Variants in CTNNA3 observed in about 807,000 individuals in gnomAD.
The protein encoded by CTNNA3 is catenin alpha 3, also known as catenin alpha-3.
CTNNA3 carries 76 observed loss-of-function variants against 95.7 expected under a neutral mutation model. The ratio of observed to expected loss-of-function variants is 0.79; its 90% CI spans 0.66 to 0.96. The LOEUF is 0.96. Ranked by LOEUF, CTNNA3 falls within the 40% of genes least tolerant of loss-of-function variation. The probability of loss-of-function intolerance (pLI) is 0.00; values close to 1 mark genes in which losing one functional copy is unlikely to be tolerated. For synonymous variants in CTNNA3, 431 were observed against 374.4 expected, an observed-to-expected ratio of 1.15 and a Z score of -1.74; for missense variants, 1,191 against 1,089.8, an observed-to-expected ratio of 1.09 and a Z score of -1.31.
intron 7 of CTNNA3, among the ~76,000 whole-genome samples, chr10:67,154,638 C>T (rs894321460): frequency 2.6e-5 from 4 of 152,152 alleles, no homozygotes; most frequent in Admixed American, 6.5e-5. Context: ...TATACAAACC[C>T]GCTACACGGC....
intron 16 of CTNNA3, among the ~76,000 whole-genome samples, chr10:65,981,973 C>A (rs1354708067): frequency 6.6e-6 from 1 of 151,636 alleles, no homozygotes; most frequent in Non-Finnish European, 1.5e-5. Flanking sequence ...ACAGCAAATG[C>A]AACAAAAACA....
At chr10:66,241,343 C>A (rs2132039193) in intron 13 of CTNNA3, among the ~76,000 whole-genome samples, 1 of 152,152 alleles carries the variant, frequency 6.6e-6, no homozygotes, top group East Asian at 1.9e-4. Flanking sequence ...CTTTGTGAAT[C>A]TCAAAGTAAC....
At chr10:66,431,657 A>G (rs1347940548) in intron 11 of CTNNA3, among the ~76,000 whole-genome samples, 1 of 151,152 alleles carries the variant, frequency 6.6e-6, no homozygotes, top group Non-Finnish European at 1.5e-5. Flanking sequence ...CAAAAAAACC[A>G]AACACCGCAT....
chr10:67,452,061 T>TGGTAGGAA (rs1847008545), intron 5 of CTNNA3, among the ~76,000 whole-genome samples: 1 of 121,090 alleles, frequency 8.3e-6, no homozygotes, highest in African/African-American at 3.1e-5. Context: ...GAGGGAGGAA[T>TGGTAGGAA]GGAAGGAAGG....
chr10:67,600,480 A>G (rs1039865476), intron 3 of CTNNA3, among the ~76,000 whole-genome samples: 4 of 152,194 alleles, frequency 2.6e-5, no homozygotes, highest in African/African-American at 9.7e-5. Context: ...CATATCTAGA[A>G]CATATAAAAA....
rs149215034 is a variant in CTNNA3 at position 66,927,973 on chromosome 10, G to C, written c.1048-152449C>G. The C allele has an allele frequency of 1.2e-6, 2 of 1,614,188 alleles. No individual in the cohort carries two copies. Among genetic ancestry groups the C allele is most frequent in the East Asian group, 2.2e-5 (1 of 44,884 alleles). ...AGAGCTGCAAGGAGTAAATGTGATC[G>C]ATGCAGTGAAGAACTACAGCATCTG... On this transcript the variant is annotated intron_variant, in intron 7 of 17. Transcript: ENST00000433211. The surrounding 1 kb of genome is among the most constrained non-coding windows in gnomAD (Gnocchi z 4.7).
intron 1 of CTNNA3, among the ~76,000 whole-genome samples, chr10:67,727,218 T>C (rs1841239956): frequency 7.9e-6 from 1 of 126,566 alleles, no homozygotes; most frequent in South Asian, 2.3e-4. Context: ...TATGTATATA[T>C]GTATATTACA....
chr10:67,002,616 G>A (rs1464854206), intron 7 of CTNNA3, among the ~76,000 whole-genome samples: 4 of 152,120 alleles, frequency 2.6e-5, no homozygotes, highest in South Asian at 2.1e-4. Flanking sequence ...TCAGAGCTGT[G>A]TTTAATGGCT....
intron 7 of CTNNA3, among the ~76,000 whole-genome samples, chr10:66,786,200 T>C (rs1475707983): frequency 6.6e-6 from 1 of 152,082 alleles, no homozygotes; most frequent in Non-Finnish European, 1.5e-5. Context: ...CCTCAAGCCT[T>C]GTTCATAGCT....
chr10:66,485,330 G>A (rs1839687720), intron 11 of CTNNA3, among the ~76,000 whole-genome samples: 1 of 151,922 alleles, frequency 6.6e-6, no homozygotes, highest in African/African-American at 2.4e-5. Context: ...TTTTATATAT[G>A]GTAAGACCTA....
chr10:67,224,925 G>T (rs773976403), intron 5 of CTNNA3, among the ~76,000 whole-genome samples: 2 of 150,066 alleles, frequency 1.3e-5, no homozygotes, highest in East Asian at 1.9e-4. Context: ...TCCACAGCGT[G>T]GGGGAAGAAC....
intron 7 of CTNNA3, among the ~76,000 whole-genome samples, chr10:66,812,875 C>T (rs1371207338): frequency 1.3e-5 from 2 of 152,086 alleles, no homozygotes; most frequent in Non-Finnish European, 2.9e-5. Context: ...ACTGATGTAA[C>T]AAAATAAGGA....
chr10:67,170,545 C>T (rs571552365), intron 7 of CTNNA3, among the ~76,000 whole-genome samples: 1 of 152,296 alleles, frequency 6.6e-6, no homozygotes, highest in Non-Finnish European at 1.5e-5. Context: ...CATATTCTCA[C>T]TTATAAGTGG....
At position 65,960,792 on chromosome 10, in the gene CTNNA3, T is replaced by C. The variant is rs1341932315; in HGVS notation, c.2400+5820A>G. Among the ~76,000 whole-genome samples the C allele has an allele frequency of 4.6e-5, 7 of 152,312 alleles. 1 individual carries two copies. The highest frequency in any genetic ancestry group is 4.6e-4 in the Admixed American group (7 of 15,292). On this transcript the variant is annotated intron_variant, in intron 17 of 17. Coordinates refer to ENST00000433211, the MANE Select transcript of CTNNA3 (RefSeq NM_013266.4). ...TGGTATTTGATTTTCTGTTTTAGCATTAATTTGCTTAGGATAATGGTCTCC... is the reference window on the plus strand; with the variant it reads ...TGGTATTTGATTTTCTGTTTTAGCACTAATTTGCTTAGGATAATGGTCTCC...
At chr10:66,409,384 G>T (rs2093083240) in intron 11 of CTNNA3, among the ~76,000 whole-genome samples, 1 of 148,538 alleles carries the variant, frequency 6.7e-6, no homozygotes, top group Non-Finnish European at 1.5e-5. Context: ...ATTCTACAGA[G>T]AATTTTCTAA....
chr10:65,959,306 C>T (rs2077794215), intron 17 of CTNNA3, among the ~76,000 whole-genome samples: 1 of 152,194 alleles, frequency 6.6e-6, no homozygotes, highest in Admixed American at 6.5e-5. Context: ...CTTCCCTTGG[C>T]TAGGAAAGGG....
At chr10:67,273,761 A>T (rs1179671165) in intron 5 of CTNNA3, among the ~76,000 whole-genome samples, 1 of 152,218 alleles carries the variant, frequency 6.6e-6, no homozygotes, top group East Asian at 1.9e-4. Flanking sequence ...ATATATAATG[A>T]CATAGATAAA....
rs551933343 is a variant in CTNNA3, at chr10:66,670,258, G to A, written c.1282-48474C>T. 6.0e-4 allele frequency among the ~76,000 whole-genome samples: 92 copies of A among 152,208 alleles called. 1 individual carries two copies. The highest frequency in any genetic ancestry group is 2.2e-3 in the African/African-American group (91 of 41,538). The stretch of plus-strand genomic sequence containing the variant: ...CTCAGTTCTATAGGTCAGAAATCTG[G>A]CTGGGTTCAGCTGATTCCTGGGGTC... On this transcript the variant is annotated intron_variant, in intron 9 of 17. Transcript: ENST00000433211.
At chr10:66,259,667 C>T (rs565443477) in intron 13 of CTNNA3, among the ~76,000 whole-genome samples, 1 of 152,292 alleles carries the variant, frequency 6.6e-6, no homozygotes, top group East Asian at 1.9e-4. Context: ...TTTGAGGTTT[C>T]CTCTCATCTC....
Sources: allele counts gnomAD v4.1 joint callset (sites outside exome capture counted in the v4.1 genomes callset), GRCh38; gene constraint gnomAD v4.1.1; non-coding constraint Gnocchi (gnomAD v3.1); transcripts MANE v1.5; gene names NCBI Gene and HGNC (gene_info 2026-07-23, HGNC 2026-07-21).